The following AIG1 variants were observed in gnomAD, a reference collection of about 807,000 sequenced individuals.
AIG1 encodes the protein androgen induced 1.
AIG1 carries 23 observed loss-of-function variants against 31.4 expected under a neutral mutation model. The observed-to-expected ratio is 0.73, with a 90% CI of 0.53 to 1.04. AIG1 has a LOEUF of 1.04. AIG1 is among the 50% of genes least tolerant of loss of function. AIG1 has a pLI of 0.00. For synonymous variants in AIG1, 100 were observed against 110.5 expected, an observed-to-expected ratio of 0.90 and a Z score of 0.60; for missense variants, 274 against 295.0, an observed-to-expected ratio of 0.93 and a Z score of 0.52.
At position 143,107,080 on chromosome 6, in the gene AIG1, G is replaced by A. The variant is rs568055876; in HGVS notation, c.142-29755G>A. Among the ~76,000 whole-genome samples the A allele has an allele frequency of 3.9e-5, 6 of 152,120 alleles. No individual in the cohort carries two copies. In the South Asian group the frequency reaches 6.2e-4, roughly 16 times the overall value. On this transcript the variant is annotated intron_variant, in intron 1 of 5. Transcript: ENST00000357847. ...ACCATAGCACCTTGATCAGTTCTTCGTCTCCCTAAGTCCCATCAATTACCC... is the reference window on the plus strand; with the variant it reads ...ACCATAGCACCTTGATCAGTTCTTCATCTCCCTAAGTCCCATCAATTACCC...
At chr6:143,171,401 ATAGTGTGTGTATAT>A (rs1252704323) in intron 3 of AIG1, among the ~76,000 whole-genome samples, 7 of 133,864 alleles carry the variant, frequency 5.2e-5, no homozygotes, top group Admixed American at 8.4e-5. Context: ...GTAGTATTCA[ATAGTGTGTGTATAT>A]ATATATAATA....
intron 3 of AIG1, among the ~76,000 whole-genome samples, chr6:143,257,082 A>G (rs1007048384): frequency 2.5e-4 from 38 of 152,202 alleles, no homozygotes; most frequent in Admixed American, 8.5e-4. Flanking sequence ...GTGAATGGCT[A>G]TTTCTGAAGG....
At chr6:143,087,240 A>G (rs1396669552) in intron 1 of AIG1, among the ~76,000 whole-genome samples, 1 of 152,120 alleles carries the variant, frequency 6.6e-6, no homozygotes, top group Non-Finnish European at 1.5e-5. Context: ...AGAGCTCCCA[A>G]GATGGTGGCG....
At chr6:143,152,890 G>A (rs1049354096) in intron 2 of AIG1, among the ~76,000 whole-genome samples, 10 of 152,318 alleles carry the variant, frequency 6.6e-5, no homozygotes, top group Middle Eastern at 3.4e-3. Flanking sequence ...AGGTGGGAAA[G>A]AAAATCAAAC....
At chr6:143,219,596 A>G (rs1011578199) in intron 3 of AIG1, among the ~76,000 whole-genome samples, 14 of 152,226 alleles carry the variant, frequency 9.2e-5, no homozygotes, top group African/African-American at 3.1e-4. Flanking sequence ...AGATGCCTGT[A>G]GAACTCCTCT....
chr6:143,283,107 AC>A (rs966674918), intron 3 of AIG1, among the ~76,000 whole-genome samples: 2 of 151,892 alleles, frequency 1.3e-5, no homozygotes, highest in African/African-American at 4.8e-5. Flanking sequence ...TATCTTAGAA[AC>A]TCTTTGTTCC....
chr6:143,209,409 G>A (rs187195484), intron 3 of AIG1, among the ~76,000 whole-genome samples: 8 of 152,312 alleles, frequency 5.3e-5, no homozygotes, highest in East Asian at 1.9e-4. Context: ...CTAACTTTAA[G>A]ATAAGGAGAT....
At chr6:143,144,700 A>T (rs571085218) in intron 2 of AIG1, among the ~76,000 whole-genome samples, 1 of 152,218 alleles carries the variant, frequency 6.6e-6, no homozygotes, top group Non-Finnish European at 1.5e-5. Flanking sequence ...TGAATGATCT[A>T]TATGAATTAG....
At chr6:143,093,052 G>T (rs1779443352) in intron 1 of AIG1, among the ~76,000 whole-genome samples, 1 of 152,010 alleles carries the variant, frequency 6.6e-6, no homozygotes, top group African/African-American at 2.4e-5. Flanking sequence ...TCTTGTCTCT[G>T]AAAAAAACAA....
chr6:143,118,228 A>C (rs1458543052), intron 1 of AIG1, among the ~76,000 whole-genome samples: 1 of 152,252 alleles, frequency 6.6e-6, no homozygotes, highest in African/African-American at 2.4e-5. Flanking sequence ...TGGGAGGCCA[A>C]GGCAGTCAGA....
At chr6:143,180,200 A>T (rs1305785823) in intron 3 of AIG1, among the ~76,000 whole-genome samples, 1 of 152,258 alleles carries the variant, frequency 6.6e-6, no homozygotes, top group East Asian at 1.9e-4. Context: ...GGACTTTGAT[A>T]TAATTCAATC....
intron 3 of AIG1, among the ~76,000 whole-genome samples, chr6:143,208,912 G>A (rs565377356): frequency 2.6e-5 from 4 of 152,196 alleles, no homozygotes; most frequent in South Asian, 2.1e-4. Context: ...AGAGAGAAGC[G>A]ATTGCTGAGA....
chr6:143,115,694 G>A (rs1303579706), intron 1 of AIG1, among the ~76,000 whole-genome samples: 4 of 152,186 alleles, frequency 2.6e-5, no homozygotes, highest in Non-Finnish European at 4.4e-5. Flanking sequence ...TGCATGAGAA[G>A]CACCAAGCAA....
At chr6:143,226,243 T>G (rs1263803497) in intron 3 of AIG1, among the ~76,000 whole-genome samples, 1 of 136,396 alleles carries the variant, frequency 7.3e-6, no homozygotes, top group African/African-American at 2.5e-5. Context: ...ACTATATATA[T>G]ATATTTTTTT....
At chr6:143,169,918 G>A (rs566896703) in intron 3 of AIG1, among the ~76,000 whole-genome samples, 67 of 152,136 alleles carry the variant, frequency 4.4e-4, no homozygotes, top group African/African-American at 7.5e-4. Context: ...ATTCATTTGT[G>A]TATGTTGAAT....
At chr6:143,074,509 C>T (rs137934574) in intron 1 of AIG1, among the ~76,000 whole-genome samples, 4 of 152,274 alleles carry the variant, frequency 2.6e-5, no homozygotes, top group African/African-American at 9.6e-5. Flanking sequence ...ATTATCCTTT[C>T]CCCATTGTGT....
At chr6:143,166,318 C>CG (rs1446587948) in intron 3 of AIG1, among the ~76,000 whole-genome samples, 7 of 152,286 alleles carry the variant, frequency 4.6e-5, no homozygotes, top group Non-Finnish European at 7.4e-5. Flanking sequence ...TAGCCATCCA[C>CG]GGGGCCTGGC....
chr6:143,173,962 C>G (rs1787890540), intron 3 of AIG1, among the ~76,000 whole-genome samples: 1 of 152,108 alleles, frequency 6.6e-6, no homozygotes, highest in African/African-American at 2.4e-5. Context: ...TGTTGATGAC[C>G]AGTCTAGTGC....
downstream of AIG1, chr6:143,343,062 AC>A: frequency 1.3e-6 from 1 of 784,470 alleles, no homozygotes; most frequent in Non-Finnish European, 2.4e-6. Context: ...ATGGACCATC[AC>A]TTGGTGCATC....
Sources: gnomAD v4.1 joint callset for allele counts (sites outside exome capture counted in the v4.1 genomes callset) on GRCh38, gnomAD v4.1.1 for gene constraint, MANE v1.5 for transcripts, NCBI Gene and HGNC (gene_info 2026-07-23, HGNC 2026-07-21) for gene names.